INPP4B: variants seen among roughly 807,000 people sequenced by gnomAD.
The protein encoded by INPP4B is inositol polyphosphate 4-phosphatase type II.
In INPP4B, 55 loss-of-function variants were observed where a neutral mutation model predicts 122.5. That is an observed-to-expected ratio of 0.45 (90% CI 0.36 to 0.56). The LOEUF (loss-of-function observed/expected upper bound fraction) is 0.56. INPP4B is among the 20% of genes least tolerant of loss of function. The pLI, the probability that INPP4B is intolerant of heterozygous loss-of-function variation, is 0.00. For missense variants in INPP4B, 1,000 were observed against 1,097.7 expected, an observed-to-expected ratio of 0.91 and a Z score of 1.26; for synonymous variants, 403 against 388.7, an observed-to-expected ratio of 1.04 and a Z score of -0.43.
intron 2 of INPP4B, among the ~76,000 whole-genome samples, chr4:142,631,904 C>A (rs185991943): frequency 3.9e-5 from 6 of 152,074 alleles, no homozygotes; most frequent in African/African-American, 1.4e-4. Flanking sequence ...ATTGAGGGAA[C>A]TTACAGACAG....
chr4:142,434,672 G>A (rs1037444737), intron 3 of INPP4B, among the ~76,000 whole-genome samples: 1 of 152,124 alleles, frequency 6.6e-6, no homozygotes, highest in Non-Finnish European at 1.5e-5. Context: ...TTATAGTGTT[G>A]GCTTTCTAGG....
rs189640139 is a variant in INPP4B at position 142,711,733 on chromosome 4, G to A, written c.-191+14106C>T. Among the ~76,000 whole-genome samples the A allele has an allele frequency of 5.4e-3, 815 of 152,232 alleles. 4 individuals carry two copies. The highest frequency in any genetic ancestry group is 8.2e-3 in the Non-Finnish European group (559 of 68,014). On this transcript the variant is annotated intron_variant, in intron 2 of 25. Coordinates refer to ENST00000262992, the MANE Select transcript of INPP4B (RefSeq NM_001101669.3). Reference sequence around the variant, plus strand: ...TAAGTCATGAGGACAGAGCCTTTATGGATGAAATTGATGACCTTATATAAG... The same window carrying A: ...TAAGTCATGAGGACAGAGCCTTTATAGATGAAATTGATGACCTTATATAAG...
chr4:142,494,084 A>G (rs548349108), intron 2 of INPP4B, among the ~76,000 whole-genome samples: 1 of 152,262 alleles, frequency 6.6e-6, no homozygotes, highest in Admixed American at 6.5e-5. Flanking sequence ...TACTGCTGCC[A>G]TTTGAAGAAG....
At chr4:142,796,711 T>TC (rs1777286900) in intron 1 of INPP4B, among the ~76,000 whole-genome samples, 2 of 152,062 alleles carry the variant, frequency 1.3e-5, no homozygotes, top group South Asian at 4.1e-4. Context: ...GATAATGAAG[T>TC]TGGCACCTAC....
intron 2 of INPP4B, among the ~76,000 whole-genome samples, chr4:142,663,595 T>C (rs1355233649): frequency 6.6e-6 from 1 of 152,096 alleles, no homozygotes; most frequent in Non-Finnish European, 1.5e-5. Flanking sequence ...AAGGAGCAGG[T>C]CTTTTTAAAA....
chr4:142,101,578 G>A (rs1309284484), intron 23 of INPP4B, among the ~76,000 whole-genome samples: 1 of 152,024 alleles, frequency 6.6e-6, no homozygotes, highest in East Asian at 1.9e-4. Context: ...TGTGGCTTTG[G>A]AACAGTATGG....
intron 16 of INPP4B, among the ~76,000 whole-genome samples, chr4:142,168,917 C>G (rs1376389626): frequency 6.6e-6 from 1 of 151,498 alleles, no homozygotes; most frequent in African/African-American, 2.4e-5. Flanking sequence ...TTTGCTACAG[C>G]CTAGGAACTG....
chr4:142,040,099 A>C (rs1746419489), intron 25 of INPP4B, among the ~76,000 whole-genome samples: 2 of 151,960 alleles, frequency 1.3e-5, no homozygotes, highest in South Asian at 4.2e-4. Flanking sequence ...ACAGAAAAGA[A>C]AAAGAAGGGA....
At position 142,720,795 on chromosome 4, in the gene INPP4B, C is replaced by CTA. The variant is rs1192287551; in HGVS notation, c.-191+5043_-191+5044insTA. Among the ~76,000 whole-genome samples the CTA allele has an allele frequency of 2.4e-3, 79 of 33,582 alleles. 6 individuals are homozygous for CTA. Among genetic ancestry groups the CTA allele is most frequent in the Admixed American group, 3.8e-3 (9 of 2,396 alleles). The allele number at this position is 33,582 out of a possible 152,430, so 22.0% of individuals were successfully genotyped here. Reference sequence around the variant, plus strand: ...TCTCTCTCTCTCTCTCTCTCTCTCTCTCTCTCTCTCTCTCTATATATATAT... The same window carrying CTA: ...TCTCTCTCTCTCTCTCTCTCTCTCTCTATCTCTCTCTCTCTCTATATATATAT... On this transcript the variant is annotated intron_variant, in intron 2 of 25. Coordinates refer to ENST00000262992, the MANE Select transcript of INPP4B (RefSeq NM_001101669.3).
Position 142,255,640 on chromosome 4 carries a change from T to A in INPP4B, c.688+4852A>T, listed in dbSNP as rs1735468074. The stretch of plus-strand genomic sequence containing the variant: ...ACATAATGGTAAATGGATCAATTCA[T>A]CAAGAAGAGCTAACTATCCTAAATA... On this transcript the variant is annotated intron_variant, in intron 11 of 25. Coordinates refer to ENST00000262992, the MANE Select transcript of INPP4B (RefSeq NM_001101669.3). 2.0e-5 allele frequency among the ~76,000 whole-genome samples: 3 copies of A among 152,040 alleles called. No individual in the cohort carries two copies. In the South Asian group the frequency reaches 6.2e-4, roughly 32 times the overall value.
chr4:142,294,386 T>C (rs962650212), intron 9 of INPP4B, among the ~76,000 whole-genome samples: 1 of 151,902 alleles, frequency 6.6e-6, no homozygotes. Flanking sequence ...AGGCCAATGG[T>C]AAGCTGTGGT....
intron 3 of INPP4B, among the ~76,000 whole-genome samples, chr4:142,445,734 T>C (rs114807774): frequency 0.013 from 1,955 of 152,302 alleles, 38 homozygotes; most frequent in African/African-American, 0.044. Flanking sequence ...ATAGAGTACA[T>C]ATTTTTTCAA....
intron 2 of INPP4B, among the ~76,000 whole-genome samples, chr4:142,520,880 A>G (rs1825990088): frequency 6.6e-6 from 1 of 151,958 alleles, no homozygotes; most frequent in Non-Finnish European, 1.5e-5. Context: ...GCATAAATAT[A>G]TTCCATTTGT....
chr4:142,028,811 C>A lies in INPP4B; in HGVS notation c.2746G>T (p.Glu916Ter), dbSNP rs1480247358. The A allele has an allele frequency of 6.2e-6, 10 of 1,612,796 alleles. No individual in the cohort carries two copies. The stretch of plus-strand genomic sequence containing the variant: ...GTGTCAGCTTTTCCATAAGTCCCCT[C>A]TGGAGGTCTGTAGTACTTGGGGAAA... ...MAFPKYYRPP[E>*]GTYGKADT The change falls in exon 26 of 26, where the codon GAG (glutamate) becomes TAG (stop). Residue 916 changes from glutamate to a stop codon, truncating the protein, a stop_gained. Coordinates refer to ENST00000262992, the MANE Select transcript of INPP4B (RefSeq NM_001101669.3). LOFTEE classifies it high-confidence loss of function.
intron 2 of INPP4B, among the ~76,000 whole-genome samples, chr4:142,652,124 T>C (rs1433501082): frequency 1.3e-5 from 2 of 152,192 alleles, no homozygotes; most frequent in African/African-American, 2.4e-5. Flanking sequence ...AAAAGCCACA[T>C]GATTATCTCA....
At chr4:142,614,112 C>G (rs1422230159) in intron 2 of INPP4B, among the ~76,000 whole-genome samples, 4 of 151,918 alleles carry the variant, frequency 2.6e-5, no homozygotes, top group Non-Finnish European at 2.9e-5. Flanking sequence ...AACAAAGAAC[C>G]CACAGGAGGC....
chr4:142,048,724 A>G lies in INPP4B; in HGVS notation c.2643-19810T>C, dbSNP rs139265537. The stretch of plus-strand genomic sequence containing the variant: ...GGCAAAAGCAGCTTGAGAGCTGGTT[A>G]AAGAAAAGCTATTGCAAGATCATAG... On this transcript the variant is annotated intron_variant, in intron 25 of 25. Transcript: ENST00000262992. 5.1e-3 allele frequency among the ~76,000 whole-genome samples: 783 copies of G among 152,158 alleles called. 7 individuals are homozygous for G. The highest frequency in any genetic ancestry group is 0.035 in the South Asian group (171 of 4,826).
At chr4:142,579,009 C>T (rs1229001015) in intron 2 of INPP4B, among the ~76,000 whole-genome samples, 2 of 151,908 alleles carry the variant, frequency 1.3e-5, no homozygotes, top group Non-Finnish European at 2.9e-5. Context: ...AAAAGACAAA[C>T]ACACATACAA....
At chr4:142,475,318 C>T (rs1331948854) in intron 2 of INPP4B, among the ~76,000 whole-genome samples, 1 of 151,196 alleles carries the variant, frequency 6.6e-6, no homozygotes, top group African/African-American at 2.4e-5. Context: ...AAAAACAAAA[C>T]AAAACAAACA....
Sources: allele counts gnomAD v4.1 joint callset (sites outside exome capture counted in the v4.1 genomes callset), GRCh38; gene constraint gnomAD v4.1.1; transcripts MANE v1.5; gene names NCBI Gene and HGNC (gene_info 2026-07-23, HGNC 2026-07-21).